The following DERA variants were observed in gnomAD, a reference collection of about 807,000 sequenced individuals.
DERA encodes the protein 2-deoxy-D-ribose 5-phosphate aldolase.
In DERA, 15 loss-of-function variants were observed where a neutral mutation model predicts 41.1. The ratio of observed to expected loss-of-function variants is 0.37; its 90% CI spans 0.24 to 0.56. The LOEUF (loss-of-function observed/expected upper bound fraction) is 0.56, where lower values mean the gene tolerates loss of function less well. Among genes scored for constraint, DERA ranks in the 20% least tolerant of loss-of-function variants. The pLI, the probability that DERA is intolerant of heterozygous loss-of-function variation, is 0.81. For synonymous variants in DERA, 139 were observed against 137.4 expected (o/e 1.01, Z -0.08); for missense variants, 396 against 403.4 (o/e 0.98, Z 0.16).
rs1311695213 is a variant in DERA, at chr12:16,008,783, A to G, written c.638-23759A>G. On this transcript the variant is annotated intron_variant, in intron 6 of 8. Transcript: ENST00000428559. The surrounding 1 kb of genome is among the most constrained non-coding windows in gnomAD (Gnocchi z 4.8). The stretch of plus-strand genomic sequence containing the variant: ...GGCTGCCACAGCTCCAGTCATGTTT[A>G]TATTCAGAATAGGAAGAAAAGCAAT... Among the ~76,000 whole-genome samples, 2 of 152,190 alleles carry G rather than the reference A, an allele frequency of 1.3e-5. No individual in the cohort carries two copies. Among genetic ancestry groups the G allele is most frequent in the African/African-American group, 2.4e-5 (1 of 41,438 alleles).
At chr12:16,033,861 C>T (rs945157449) in intron 7 of DERA, among the ~76,000 whole-genome samples, 3 of 151,956 alleles carry the variant, frequency 2.0e-5, no homozygotes, top group Non-Finnish European at 4.4e-5. Context: ...ATCTTAATTA[C>T]GAATAGGATA....
At position 15,996,913 on chromosome 12, in the gene DERA, G is replaced by A. The variant is rs186212936; in HGVS notation, c.637+14477G>A. Among the ~76,000 whole-genome samples, 1,006 of 152,240 alleles carry A rather than the reference G, an allele frequency of 6.6e-3. 5 individuals carry two copies. The highest frequency in any genetic ancestry group is 9.4e-3 in the Non-Finnish European group (640 of 68,008). On this transcript the variant is annotated intron_variant, in intron 6 of 8. Transcript: ENST00000428559. The surrounding 1 kb of genome is among the most constrained non-coding windows in gnomAD (Gnocchi z 4.7). ...TTTATCTGCAAAAAGCATTTGGTAA[G>A]GTTCTCAATGGGAGATTAATGACTA... is the stretch of plus-strand genomic sequence containing the variant.
In DERA at chr12:16,020,343, T is replaced by C. The variant is rs1756536877; in HGVS notation, c.638-12199T>C. On this transcript the variant is annotated intron_variant, in intron 6 of 8. Coordinates refer to ENST00000428559, the MANE Select transcript of DERA (RefSeq NM_015954.4). The surrounding 1 kb of genome is among the most constrained non-coding windows in gnomAD (Gnocchi z 5.5). ...ACCAGATCTCATATTAACTCACTAT[T>C]GCGAGAACAGCACGAAAGGGGAAAT... Among the ~76,000 whole-genome samples the C allele has an allele frequency of 6.6e-6, 1 of 152,092 alleles. No individual in the cohort carries two copies. Among genetic ancestry groups the C allele is most frequent in the Admixed American group, 6.5e-5 (1 of 15,276 alleles).
At chr12:15,964,577 GTCACGGATT>G (rs1463311686) in intron 5 of DERA, among the ~76,000 whole-genome samples, 3 of 152,108 alleles carry the variant, frequency 2.0e-5, no homozygotes, top group African/African-American at 4.8e-5. Flanking sequence ...TCTGCTTTTA[GTCACGGATT>G]TCACTAAGAT....
intron 6 of DERA, among the ~76,000 whole-genome samples, chr12:15,987,327 C>T (rs1948771754): frequency 6.6e-6 from 1 of 150,490 alleles, no homozygotes; most frequent in Non-Finnish European, 1.5e-5. Flanking sequence ...ACCTCCACCT[C>T]CCAGGTTCAA....
intron 3 of DERA, 128 bp downstream of exon 3, chr12:15,958,463 G>T: frequency 2.1e-5 from 10 of 467,534 alleles, no homozygotes; most frequent in East Asian, 5.4e-5. Flanking sequence ...CTCTTGCTGT[G>T]TATACATAGA....
chr12:16,031,049 C>G (rs1305854671), intron 6 of DERA, among the ~76,000 whole-genome samples: 2 of 152,190 alleles, frequency 1.3e-5, no homozygotes, highest in African/African-American at 4.8e-5. Context: ...AAAGTGCTTG[C>G]TATGCGATTG....
At position 15,987,459 on chromosome 12, in the gene DERA, A is replaced by C. The variant is rs943399173; in HGVS notation, c.637+5023A>C. 2.7e-5 allele frequency among the ~76,000 whole-genome samples: 4 copies of C among 150,736 alleles called. No individual in the cohort carries two copies. The East Asian group carries it at 5.8e-4, about 22-fold the overall frequency. On this transcript the variant is annotated intron_variant, in intron 6 of 8. Transcript: ENST00000428559. ...ACCATATTGGCCGGGTTGGTCTGAA[A>C]CTCCTGACCTCAGGTGATCCGCCTA...
chr12:15,979,783 T>C (rs1948721385), intron 5 of DERA, among the ~76,000 whole-genome samples: 1 of 152,226 alleles, frequency 6.6e-6, no homozygotes, highest in East Asian at 1.9e-4. Flanking sequence ...TTAAAGAGTA[T>C]AACTTCCAAA....
rs1009772983 is a variant in DERA at position 15,992,960 on chromosome 12, T to C, written c.637+10524T>C. Among the ~76,000 whole-genome samples the C allele has an allele frequency of 6.6e-6, 1 of 152,168 alleles. No individual in the cohort carries two copies. The highest frequency in any genetic ancestry group is 6.5e-5 in the Admixed American group (1 of 15,276). ...AATGTCATCAGGTTTGAATTGCCGATGAAGATCTGTGGGAAGAGTACTAAC... is the reference window on the plus strand; with the variant it reads ...AATGTCATCAGGTTTGAATTGCCGACGAAGATCTGTGGGAAGAGTACTAAC... On this transcript the variant is annotated intron_variant, in intron 6 of 8. Coordinates refer to ENST00000428559, the MANE Select transcript of DERA (RefSeq NM_015954.4). This position sits in a 1 kb window ranked among gnomAD's most constrained non-coding sequence, Gnocchi z 4.3.
In DERA at chr12:15,993,727, TA is replaced by T; in HGVS notation, c.637+11294del. On this transcript the variant is annotated intron_variant, in intron 6 of 8. Coordinates refer to ENST00000428559, the MANE Select transcript of DERA (RefSeq NM_015954.4). The surrounding 1 kb of genome is among the most constrained non-coding windows in gnomAD (Gnocchi z 4.4). ...TGCTGTCTCATCCATGGAATAGATT[TA>T]AATTCAGGTCCCCAAGCAAAAATTT... 6.6e-6 allele frequency among the ~76,000 whole-genome samples: 1 copy of T among 152,268 alleles called. No homozygotes were observed. Among genetic ancestry groups the T allele is most frequent in the Non-Finnish European group, 1.5e-5 (1 of 68,012 alleles).
rs564774761 is a variant in DERA at position 15,948,524 on chromosome 12, C to T, written c.32-8412C>T. Among the ~76,000 whole-genome samples, 6 of 152,258 alleles carry T rather than the reference C, an allele frequency of 3.9e-5. No individual in the cohort carries two copies. The South Asian group carries it at 6.2e-4, about 16-fold the overall frequency. ...AAGCTTGTGTATTCATCATGTAGCTCTCGTGCCATGGTTTTCAGCTCCATC... is the reference window on the plus strand; with the variant it reads ...AAGCTTGTGTATTCATCATGTAGCTTTCGTGCCATGGTTTTCAGCTCCATC... On this transcript the variant is annotated intron_variant, in intron 1 of 8. Transcript: ENST00000428559.
chr12:15,953,770 A>G (rs1219547526), intron 1 of DERA, among the ~76,000 whole-genome samples: 1 of 152,240 alleles, frequency 6.6e-6, no homozygotes, highest in Non-Finnish European at 1.5e-5. Context: ...TATGGAGGAC[A>G]TAACAAAGGC....
intron 5 of DERA, among the ~76,000 whole-genome samples, chr12:15,971,703 A>G (rs1008804955): frequency 6.6e-6 from 1 of 152,044 alleles, no homozygotes; most frequent in Non-Finnish European, 1.5e-5. Context: ...TTTTTAATAG[A>G]GATGGGGTTT....
At position 15,967,035 on chromosome 12, in the gene DERA, A is replaced by G. The variant is rs1444869009; in HGVS notation, c.508+4088A>G. On this transcript the variant is annotated intron_variant, in intron 5 of 8. Transcript: ENST00000428559. This position sits in a 1 kb window ranked among gnomAD's most constrained non-coding sequence, Gnocchi z 4.9. ...TATCACTGACCCTTGACAAAATCAG[A>G]GAAATATAGCTATTTTGGAAATAAA... Among the ~76,000 whole-genome samples the G allele has an allele frequency of 6.6e-6, 1 of 152,078 alleles. No homozygotes were observed. Among genetic ancestry groups the G allele is most frequent in the East Asian group, 1.9e-4 (1 of 5,168 alleles).
chr12:15,955,624 T>A (rs1222007716), intron 1 of DERA, among the ~76,000 whole-genome samples: 7 of 152,150 alleles, frequency 4.6e-5, no homozygotes, highest in African/African-American at 1.2e-4. Context: ...GCACCCAAAC[T>A]CTCTTCCTTC....
At position 15,935,037 on chromosome 12, in the gene DERA, C is replaced by G. The variant is rs1330067269; in HGVS notation, c.32-21899C>G. Among the ~76,000 whole-genome samples, 1 of 152,034 alleles carries G rather than the reference C, an allele frequency of 6.6e-6. No individual in the cohort carries two copies. The highest frequency in any genetic ancestry group is 2.4e-5 in the African/African-American group (1 of 41,390). The stretch of plus-strand genomic sequence containing the variant: ...CCACTTTTTTTATAGCAAATATTTC[C>G]AGAGCTAACAAAACTCTTTGGAGGA... On this transcript the variant is annotated intron_variant, in intron 1 of 8. Coordinates refer to ENST00000428559, the MANE Select transcript of DERA (RefSeq NM_015954.4). The surrounding 1 kb of genome is among the most constrained non-coding windows in gnomAD (Gnocchi z 4.8).
rs542503105 is a variant in DERA, at chr12:15,981,483, G to C, written c.509-825G>C. 6.6e-6 allele frequency among the ~76,000 whole-genome samples: 1 copy of C among 152,290 alleles called. No homozygotes were observed. Among genetic ancestry groups the C allele is most frequent in the South Asian group, 2.1e-4 (1 of 4,826 alleles). On this transcript the variant is annotated intron_variant, in intron 5 of 8. Transcript: ENST00000428559. The surrounding 1 kb of genome is among the most constrained non-coding windows in gnomAD (Gnocchi z 6.1). ...AAATGATAGTGGCCGGCCTGAAAAA[G>C]CCAAAATTCACTAGTATCATTGACA...
intron 6 of DERA, among the ~76,000 whole-genome samples, chr12:16,005,367 G>T (rs1948902027): frequency 6.6e-6 from 1 of 152,156 alleles, no homozygotes; most frequent in Non-Finnish European, 1.5e-5. Context: ...GATTACTTGA[G>T]TCCAGGACAG....
Sources: allele counts gnomAD v4.1 joint callset (sites outside exome capture counted in the v4.1 genomes callset), GRCh38; gene constraint gnomAD v4.1.1; non-coding constraint Gnocchi (gnomAD v3.1); transcripts MANE v1.5; gene names NCBI Gene and HGNC (gene_info 2026-07-23, HGNC 2026-07-21).